Variants in SUGCT observed in about 807,000 individuals in gnomAD.
The protein encoded by SUGCT is succinyl-CoA:glutarate-CoA transferase.
SUGCT carries 41 observed loss-of-function variants against 55.0 expected under a neutral mutation model. The ratio of observed to expected loss-of-function variants is 0.74; its 90% confidence interval spans 0.58 to 0.97. The LOEUF (loss-of-function observed/expected upper bound fraction) is 0.97, where lower values mean the gene tolerates loss of function less well. SUGCT is among the 50% of genes least tolerant of loss of function. SUGCT has a pLI of 0.00. For synonymous variants in SUGCT, 187 were observed against 200.4 expected (o/e 0.93, Z 0.56); for missense variants, 568 against 547.8 (o/e 1.04, Z -0.37).
intron 7 of SUGCT, among the ~76,000 whole-genome samples, chr7:40,241,175 A>G (rs541539866): frequency 2.0e-5 from 3 of 152,332 alleles, no homozygotes; most frequent in African/African-American, 4.8e-5. Flanking sequence ...AAATCGAGTG[A>G]TATTCCAAAT....
At chr7:40,556,252 T>C (rs1795555237) in intron 12 of SUGCT, among the ~76,000 whole-genome samples, 1 of 152,186 alleles carries the variant, frequency 6.6e-6, no homozygotes, top group Non-Finnish European at 1.5e-5. Flanking sequence ...GGCACTTCAC[T>C]CAGACATATG....
intron 12 of SUGCT, among the ~76,000 whole-genome samples, chr7:40,623,768 A>G (rs1387471165): frequency 2.6e-5 from 4 of 151,900 alleles, no homozygotes; most frequent in African/African-American, 7.2e-5. Flanking sequence ...GTAATCAATA[A>G]TTTTTTGGGA....
rs564223285 is a variant in SUGCT at position 40,683,092 on chromosome 7, T to G, written c.1090-66342T>G. 1.4e-4 allele frequency among the ~76,000 whole-genome samples: 22 copies of G among 152,268 alleles called. No individual in the cohort carries two copies. The East Asian group carries it at 3.9e-3, about 27-fold the overall frequency. ...TAAATTATCCTTTTAAAATTTACTT[T>G]AGATGACTTTTCTGCTTAAAAAAAA... On this transcript the variant is annotated intron_variant, in intron 12 of 13. Coordinates refer to ENST00000335693, the MANE Select transcript of SUGCT (RefSeq NM_001193313.2).
At chr7:40,540,189 G>T (rs142043851) in intron 12 of SUGCT, among the ~76,000 whole-genome samples, 1 of 152,120 alleles carries the variant, frequency 6.6e-6, no homozygotes, top group African/African-American at 2.4e-5. Context: ...TATATTAGCA[G>T]CATCCTTTTA....
the SUGCT span, among the ~76,000 whole-genome samples, chr7:40,907,138 T>A: frequency 1.6e-3 from 55 of 35,396 alleles, no homozygotes; most frequent in Middle Eastern, 0.024. Context: ...TGTGTGTGTG[T>A]GTGAGAGAGA....
chr7:40,683,446 A>G (rs1190904600), intron 12 of SUGCT, among the ~76,000 whole-genome samples: 1 of 152,172 alleles, frequency 6.6e-6, no homozygotes. Flanking sequence ...GCTTATAAAT[A>G]TTTAAATTCC....
intron 8 of SUGCT, among the ~76,000 whole-genome samples, chr7:40,305,368 A>G (rs1794795180): frequency 6.6e-6 from 1 of 152,168 alleles, no homozygotes; most frequent in Non-Finnish European, 1.5e-5. Context: ...TTTGAGTTTA[A>G]CTAATAGTTA....
chr7:40,813,495 T>C (rs1444429897), intron 13 of SUGCT, among the ~76,000 whole-genome samples: 1 of 152,210 alleles, frequency 6.6e-6, no homozygotes, highest in Non-Finnish European at 1.5e-5. Flanking sequence ...CTGTTGTTGG[T>C]TTAAAGTATA....
intron 12 of SUGCT, among the ~76,000 whole-genome samples, chr7:40,631,505 A>C (rs1799787573): frequency 1.3e-5 from 2 of 152,170 alleles, no homozygotes; most frequent in East Asian, 3.8e-4. Flanking sequence ...TTCCCTACAA[A>C]TTGGTAAAAG....
intron 9 of SUGCT, among the ~76,000 whole-genome samples, chr7:40,420,856 C>CT (rs947254606): frequency 6.6e-6 from 1 of 152,122 alleles, no homozygotes; most frequent in East Asian, 1.9e-4. Flanking sequence ...TTTCTTGAAG[C>CT]TGGAAGCAGA....
chr7:40,150,422 A>G (rs369879764), intron 1 of SUGCT, among the ~76,000 whole-genome samples: 9 of 152,168 alleles, frequency 5.9e-5, no homozygotes, highest in African/African-American at 1.9e-4. Flanking sequence ...TAATCCCAGC[A>G]CTTTGGGAGG....
intron 13 of SUGCT, among the ~76,000 whole-genome samples, chr7:40,766,858 G>C (rs950795277): frequency 1.2e-4 from 19 of 152,210 alleles, no homozygotes; most frequent in African/African-American, 4.3e-4. Context: ...GTAAGTTACT[G>C]GTATTATTAC....
At chr7:40,210,109 G>T (rs1787248148) in intron 6 of SUGCT, among the ~76,000 whole-genome samples, 1 of 151,702 alleles carries the variant, frequency 6.6e-6, no homozygotes, top group African/African-American at 2.4e-5. Flanking sequence ...ACAGAGTCTT[G>T]CTCTGTCACC....
chr7:40,145,792 C>T (rs144715800), intron 1 of SUGCT, among the ~76,000 whole-genome samples: 155 of 152,340 alleles, frequency 1.0e-3, no homozygotes, highest in African/African-American at 3.6e-3. Flanking sequence ...GTACAAACAG[C>T]TGGCACGTTT....
intron 13 of SUGCT, among the ~76,000 whole-genome samples, chr7:40,755,422 G>C (rs934023873): frequency 2.0e-5 from 3 of 152,180 alleles, no homozygotes; most frequent in Admixed American, 6.5e-5. Flanking sequence ...GCATTTCTGC[G>C]ACAGGAGATG....
the SUGCT span, among the ~76,000 whole-genome samples, chr7:40,962,818 T>C: frequency 6.6e-6 from 1 of 152,134 alleles, no homozygotes; most frequent in African/African-American, 2.4e-5. Flanking sequence ...TCTTGTTAGA[T>C]AGAAGTGTTA....
intron 12 of SUGCT, among the ~76,000 whole-genome samples, chr7:40,591,586 G>A (rs1161649027): frequency 6.6e-6 from 1 of 152,324 alleles, no homozygotes; most frequent in Admixed American, 6.5e-5. Flanking sequence ...CTATCAAATA[G>A]TATCGCATGT....
At chr7:40,340,654 A>C (rs963596494) in intron 9 of SUGCT, among the ~76,000 whole-genome samples, 8 of 152,216 alleles carry the variant, frequency 5.3e-5, no homozygotes, top group Admixed American at 5.2e-4. Flanking sequence ...AGAACAGGGA[A>C]GACCTCAAAG....
chr7:40,949,391 C>T, the SUGCT span, among the ~76,000 whole-genome samples: 1 of 151,972 alleles, frequency 6.6e-6, no homozygotes, highest in Non-Finnish European at 1.5e-5. Context: ...AAAATTTTCT[C>T]CCATTCTGTA....
Sources: gnomAD v4.1 joint callset for allele counts (sites outside exome capture counted in the v4.1 genomes callset) on GRCh38, gnomAD v4.1.1 for gene constraint, MANE v1.5 for transcripts, NCBI Gene and HGNC (gene_info 2026-07-23, HGNC 2026-07-21) for gene names.